The following CNST variants were observed in gnomAD, a reference collection of about 807,000 sequenced individuals.
CNST encodes consortin.
A neutral mutation model predicts 72.4 loss-of-function variants in CNST; 39 were observed. The observed-to-expected ratio is 0.54, with a 90% CI of 0.42 to 0.70. The LOEUF is 0.70. Ranked by LOEUF, CNST falls within the 30% of genes least tolerant of loss-of-function variation. CNST has a pLI of 0.00. For synonymous variants in CNST, 332 were observed against 320.1 expected (o/e 1.04, Z -0.40); for missense variants, 871 against 868.5 (o/e 1.00, Z -0.04).
At chr1:246,618,398 C>G (rs1294588173) in intron 2 of CNST, among the ~76,000 whole-genome samples, 1 of 152,194 alleles carries the variant, frequency 6.6e-6, no homozygotes, top group East Asian at 1.9e-4. Context: ...AATGTTATCT[C>G]AAGGTAAGAT....
In CNST at chr1:246,647,864, T is replaced by C; in HGVS notation, c.1663T>C (p.Cys555Arg). Residue 555 changes from cysteine to arginine, a missense_variant, in exon 9 of 11, where the codon TGT becomes CGT. By Grantham distance (180) the Cys-to-Arg change is radical (BLOSUM62 -3). Transcript: ENST00000366513. ...EDYLNSLLEG[C>R]LKDTEDSLSY... The stretch of plus-strand genomic sequence containing the variant: ...CTATTTGAACAGCCTTTTAGAAGGA[T>C]GTTTAAAAGATACTGAAGATTCCCT... The C allele has an allele frequency of 6.2e-7, 1 of 1,614,126 alleles. No homozygotes were observed. The highest frequency in any genetic ancestry group is 8.5e-7 in the Non-Finnish European group (1 of 1,180,024).
At chr1:246,588,714 A>C (rs1661351317) in intron 1 of CNST, among the ~76,000 whole-genome samples, 1 of 152,162 alleles carries the variant, frequency 6.6e-6, no homozygotes, top group Non-Finnish European at 1.5e-5. Flanking sequence ...GTGTAGAATT[A>C]ATAAATTCTT....
At chr1:246,598,793 C>T (rs891246363) in intron 2 of CNST, among the ~76,000 whole-genome samples, 1 of 152,100 alleles carries the variant, frequency 6.6e-6, no homozygotes, top group Non-Finnish European at 1.5e-5. Flanking sequence ...CCTGGCTAAG[C>T]CCCTGTAAGC....
chr1:246,589,683 T>C (rs907248842), intron 1 of CNST, among the ~76,000 whole-genome samples: 2 of 152,222 alleles, frequency 1.3e-5, no homozygotes, highest in African/African-American at 4.8e-5. Context: ...CCCTGAGGAA[T>C]TGCCATACTG....
rs545089687 is a variant in CNST, at chr1:246,659,991, A to T, written c.1837-208A>T. Among the ~76,000 whole-genome samples the T allele has an allele frequency of 3.9e-5, 6 of 152,312 alleles. No homozygotes were observed. In the South Asian group the frequency reaches 1.0e-3, roughly 26 times the overall value. On this transcript the variant is annotated intron_variant, in intron 9 of 10. Coordinates refer to ENST00000366513, the MANE Select transcript of CNST (RefSeq NM_152609.3). ...AGTGAGTTCAGGGGTTAAAAAAGGA[A>T]ACCAGGGTTTTGGACTTTTGTGTTT...
chr1:246,574,196 C>T (rs770645892), intron 1 of CNST, among the ~76,000 whole-genome samples: 37 of 152,108 alleles, frequency 2.4e-4, no homozygotes, highest in African/African-American at 3.4e-4. Flanking sequence ...CACCCGCCAC[C>T]GCGCCCGGCT....
intron 2 of CNST, among the ~76,000 whole-genome samples, chr1:246,621,110 G>A (rs1333622378): frequency 6.6e-6 from 1 of 152,206 alleles, no homozygotes; most frequent in Non-Finnish European, 1.5e-5. Flanking sequence ...TGTTAGTTAA[G>A]CATTTATTTA....
At chr1:246,578,446 G>A (rs1391105438) in intron 1 of CNST, among the ~76,000 whole-genome samples, 2 of 152,012 alleles carry the variant, frequency 1.3e-5, no homozygotes, top group Non-Finnish European at 2.9e-5. Flanking sequence ...GCTGAGGTGG[G>A]CGGATCATGA....
At chr1:246,648,606 A>G (rs1267276410) in intron 9 of CNST, among the ~76,000 whole-genome samples, 2 of 152,220 alleles carry the variant, frequency 1.3e-5, no homozygotes, top group Admixed American at 1.3e-4. Context: ...AAAGTTTGGA[A>G]AAAGAAAAGA....
chr1:246,573,678 A>G (rs960812170), intron 1 of CNST, among the ~76,000 whole-genome samples: 5 of 152,200 alleles, frequency 3.3e-5, no homozygotes, highest in African/African-American at 1.2e-4. Flanking sequence ...TGCGAGTGCA[A>G]AAACCTTATG....
intron 2 of CNST, among the ~76,000 whole-genome samples, chr1:246,604,460 G>T (rs984927104): frequency 2.0e-5 from 3 of 152,094 alleles, no homozygotes; most frequent in Non-Finnish European, 2.9e-5. Flanking sequence ...TTAACCCCTG[G>T]GCTTCTAATG....
chr1:246,624,852 C>T (rs1259441670), intron 3 of CNST, among the ~76,000 whole-genome samples: 1 of 152,164 alleles, frequency 6.6e-6, no homozygotes, highest in African/African-American at 2.4e-5. Context: ...TGGGGTTTCA[C>T]CATGTTGCCC....
At chr1:246,606,933 T>C (rs1662884473) in intron 2 of CNST, 3 of 147,714 alleles carry the variant, frequency 2.0e-5, no homozygotes, top group African/African-American at 7.4e-5. Context: ...TTCCTAGGAT[T>C]GTCGCATAGT....
intron 9 of CNST, 121 bp from the exon 10 acceptor site, chr1:246,660,078 A>G (rs930311160): frequency 2.7e-6 from 2 of 730,216 alleles, no homozygotes; most frequent in African/African-American, 3.6e-5. Flanking sequence ...ATTTTTTTCT[A>G]TAGGAATTGG....
intron 6 of CNST, among the ~76,000 whole-genome samples, chr1:246,636,640 T>C (rs1438557671): frequency 6.6e-6 from 1 of 152,242 alleles, no homozygotes; most frequent in Non-Finnish European, 1.5e-5. Flanking sequence ...CTTTCTGTCT[T>C]CGAGCACTTG....
intron 3 of CNST, among the ~76,000 whole-genome samples, chr1:246,622,204 G>A (rs1664137720): frequency 6.6e-6 from 1 of 152,282 alleles, no homozygotes; most frequent in Admixed American, 6.5e-5. Flanking sequence ...CTGTGTAAGA[G>A]TTTGATAAGC....
chr1:246,636,022 G>C (rs1315904555), intron 6 of CNST, among the ~76,000 whole-genome samples: 2 of 152,204 alleles, frequency 1.3e-5, no homozygotes, highest in Non-Finnish European at 1.5e-5. Context: ...GGAATCCATC[G>C]GGGCAGTCCA....
chr1:246,630,680 T>C (rs1664720909), intron 3 of CNST, among the ~76,000 whole-genome samples: 2 of 141,438 alleles, frequency 1.4e-5, no homozygotes, highest in African/African-American at 5.7e-5. Flanking sequence ...ACGGAGATAG[T>C]GATGTATAAA....
intron 1 of CNST, among the ~76,000 whole-genome samples, chr1:246,585,707 ACACACT>A (rs1202624563): frequency 0.01 from 1,147 of 113,168 alleles, 13 homozygotes; most frequent in Non-Finnish European, 0.015. Context: ...ACACACACAC[ACACACT>A]ATATATGTAT....
Sources: gnomAD v4.1 joint callset for allele counts (sites outside exome capture counted in the v4.1 genomes callset) on GRCh38, gnomAD v4.1.1 for gene constraint, MANE v1.5 for transcripts, NCBI Gene and HGNC (gene_info 2026-07-23, HGNC 2026-07-21) for gene names.